The following ATP6V0A4 variants were observed in gnomAD, a reference collection of about 807,000 sequenced individuals.
ATP6V0A4 encodes ATPase H+ transporting V0 subunit a4.
A neutral mutation model predicts 107.3 loss-of-function variants in ATP6V0A4; 86 were observed. The ratio of observed to expected loss-of-function variants is 0.80; its 90% CI spans 0.67 to 0.96. The LOEUF is 0.96. ATP6V0A4 is among the 40% of genes least tolerant of loss of function. The pLI is 0.00. For synonymous variants in ATP6V0A4, 353 were observed against 381.4 expected (o/e 0.93, Z 0.87); for missense variants, 908 against 1,045.6 (o/e 0.87, Z 1.81).
chr7:138,722,199 A>G (rs1019643896), intron 18 of ATP6V0A4, 174 bp from the exon 19 acceptor site: 3 of 652,948 alleles, frequency 4.6e-6, no homozygotes, highest in Non-Finnish European at 5.7e-6. Flanking sequence ...CACAATTATC[A>G]CCCTATTTTC....
At chr7:138,784,269 T>TATAC (rs1808070237) in intron 2 of ATP6V0A4, among the ~76,000 whole-genome samples, 2 of 31,272 alleles carry the variant, frequency 6.4e-5, no homozygotes, top group Admixed American at 4.4e-4. Context: ...TATATATACA[T>TATAC]ATATATATAT....
At chr7:138,728,904 C>T in intron 17 of ATP6V0A4, 42 bp from the exon 18 acceptor site, 3 of 1,613,378 alleles carry the variant, frequency 1.9e-6, no homozygotes, top group African/African-American at 1.3e-5. Context: ...TTTCACATGG[C>T]AGAACAGCAC....
chr7:138,716,584 G>T (rs1239621613), intron 19 of ATP6V0A4, among the ~76,000 whole-genome samples: 1 of 147,942 alleles, frequency 6.8e-6, no homozygotes, highest in Admixed American at 6.7e-5. Flanking sequence ...TTGGGGGGGG[G>T]GGAGGGTCTT....
chr7:138,768,821 T>C lies in ATP6V0A4; in HGVS notation c.250A>G (p.Ser84Gly), dbSNP rs764857690. The change falls in exon 5 of 22, where the codon AGC (serine) becomes GGC (glycine). Residue 84 changes from serine (S) to glycine (G), a missense_variant. Ser to Gly is a moderately conservative substitution (Grantham distance 56). Coordinates refer to ENST00000310018, the MANE Select transcript of ATP6V0A4 (RefSeq NM_020632.3). ...NEIVVQLLEK[S>G]PLTPLPREMI... ...TCCCGTGGGAGCGGGGTCAGTGGGCTTTTCTCGAGCAACTGAACTACAATC... is the reference window on the plus strand; with the variant it reads ...TCCCGTGGGAGCGGGGTCAGTGGGCCTTTCTCGAGCAACTGAACTACAATC... 46 of 1,614,072 alleles carry C rather than the reference T, an allele frequency of 2.8e-5. No individual in the cohort carries two copies. Among genetic ancestry groups the C allele is most frequent in the Non-Finnish European group, 3.6e-5 (42 of 1,180,042 alleles).
Position 138,732,939 on chromosome 7 carries a change from A to G in ATP6V0A4, c.1846T>C (p.Phe616Leu). Reference protein sequence around the residue: ...SQHAPSILIHFINMFLFNYSD... With the variant: ...SQHAPSILIHLINMFLFNYSD... The stretch of plus-strand genomic sequence containing the variant: ...TAGTTAAACAGAAACATGTTGATGA[A>G]GTGGATGAGGATGCTGGGGGCGTGC... The change falls in exon 17 of 22, where the codon TTC becomes CTC. Residue 616 changes from phenylalanine (F) to leucine (L), a missense_variant. Physicochemically the swap from Phe to Leu is conservative, Grantham distance 22 (BLOSUM62 0). Transcript: ENST00000310018. The G allele has an allele frequency of 6.2e-7, 1 of 1,613,676 alleles. No homozygotes were observed. Among genetic ancestry groups the G allele is most frequent in the African/African-American group, 1.3e-5 (1 of 74,984 alleles).
At chr7:138,784,393 A>G (rs1808089294) in intron 2 of ATP6V0A4, among the ~76,000 whole-genome samples, 1 of 146,760 alleles carries the variant, frequency 6.8e-6, no homozygotes, top group African/African-American at 2.6e-5. Context: ...ATCTTGGCTC[A>G]CTGCAAGCTC....
chr7:138,768,133 C>T (rs540085344), intron 5 of ATP6V0A4, among the ~76,000 whole-genome samples: 5 of 152,224 alleles, frequency 3.3e-5, no homozygotes, highest in Admixed American at 2.6e-4. Flanking sequence ...AGGGTTTCAC[C>T]ATGTTGGCCA....
intron 5 of ATP6V0A4, among the ~76,000 whole-genome samples, chr7:138,768,153 C>T (rs1469623469): frequency 1.3e-5 from 2 of 152,088 alleles, no homozygotes; most frequent in Non-Finnish European, 2.9e-5. Flanking sequence ...AGGCTGGTCT[C>T]GAATTCCTGA....
intron 13 of ATP6V0A4, among the ~76,000 whole-genome samples, 182 bp downstream of exon 13, chr7:138,747,243 A>C (rs1377059368): frequency 6.6e-6 from 1 of 152,200 alleles, no homozygotes; most frequent in Non-Finnish European, 1.5e-5. Context: ...TGCTGAAAGG[A>C]ACGGCACCAA....
At chr7:138,749,459 C>CACATAAGGTCGTGAGT in intron 11 of ATP6V0A4, 142 bp from the exon 12 acceptor site, 2 of 865,680 alleles carry the variant, frequency 2.3e-6, no homozygotes, top group Non-Finnish European at 3.5e-6. Context: ...AGACTCACGA[C>CACATAAGGTCGTGAGT]CTTATGTGTA....
rs768804683 is a variant in ATP6V0A4 at position 138,755,739 on chromosome 7, G to A, written c.766C>T (p.Arg256Cys). 65 of 1,613,644 alleles carry A rather than the reference G, an allele frequency of 4.0e-5. 1 individual carries two copies. Among genetic ancestry groups the A allele is most frequent in the Non-Finnish European group, 4.8e-5 (57 of 1,180,040 alleles). ...TTGACGCTCTCCAACATCTCTCTGC[G>A]CTCCACCGCAGGCTCTGGGCAAGGG... ...VYPCPEPAVE[R>C]REMLESVNVR... Residue 256 changes from arginine (R) to cysteine (C), a missense_variant, in exon 10 of 22, where the codon CGC (arginine) becomes TGC (cysteine). Physicochemically the swap from Arg to Cys is radical, Grantham distance 180. Transcript: ENST00000310018.
At chr7:138,722,744 CAAAAAAA>C (rs71169049) in intron 18 of ATP6V0A4, among the ~76,000 whole-genome samples, 5,726 of 33,104 alleles carry the variant, frequency 0.17, 177 homozygotes, top group South Asian at 0.37. Context: ...GACTCCATCT[CAAAAAAA>C]AAAAAAAAAA....
chr7:138,768,772 G>A lies in ATP6V0A4; in HGVS notation c.291+8C>T. 1 of 1,614,094 alleles carries A rather than the reference G, an allele frequency of 6.2e-7. No homozygotes were observed. Among genetic ancestry groups the A allele is most frequent in the African/African-American group, 1.3e-5 (1 of 75,068 alleles). ...TACCTGGGGAGGCCAGCAAAGTGGAGAACTTACCTCCAGGGTAATCATTTC... is the reference window on the plus strand; with the variant it reads ...TACCTGGGGAGGCCAGCAAAGTGGAAAACTTACCTCCAGGGTAATCATTTC... On this transcript the variant is annotated splice_region_variant and intron_variant, in intron 5 of 21. Transcript: ENST00000310018.
At chr7:138,759,320 G>A (rs1200330033) in intron 8 of ATP6V0A4, among the ~76,000 whole-genome samples, 5 of 151,912 alleles carry the variant, frequency 3.3e-5, no homozygotes, top group East Asian at 1.9e-4. Context: ...CTCCCAAAGC[G>A]CTGAGATTAC....
chr7:138,711,079 C>T, intron 20 of ATP6V0A4, among the ~76,000 whole-genome samples: 1 of 152,082 alleles, frequency 6.6e-6, no homozygotes, highest in East Asian at 1.9e-4. Context: ...ACCACCGTCC[C>T]CCCACCCCCA....
In ATP6V0A4 at chr7:138,740,436, TTTTTTTG is replaced by T. The variant is rs1403850609; in HGVS notation, c.1479-810_1479-804del. Among the ~76,000 whole-genome samples, 159 of 151,314 alleles carry T rather than the reference TTTTTTTG, an allele frequency of 1.1e-3. 1 individual carries two copies. The highest frequency in any genetic ancestry group is 3.8e-3 in the African/African-American group (155 of 41,258). On this transcript the variant is annotated intron_variant, in intron 14 of 21. Transcript: ENST00000310018. ...TGGGAAGAAATTTCTTTTTTTTTTTTTTTTTTGGAGACTGCGTTTCATTCTTGTTGCC... is the reference window on the plus strand; with the variant it reads ...TGGGAAGAAATTTCTTTTTTTTTTTTGAGACTGCGTTTCATTCTTGTTGCC...
rs1474948199 is a variant in ATP6V0A4 at position 138,763,017 on chromosome 7, T to C, written c.300A>G (p.Leu100=). ...PREMITLETV[L]EKLEGELQEA... is the part of the protein sequence containing the mutation. ...CCTGTAACTCTCCTTCCAGTTTTTC[T>C]AGAACAGTCTATGCAGGAAGGAAAA... The change falls in exon 6 of 22, where the codon CTA becomes CTG. Residue 100 remains leucine (L), a synonymous_variant. Transcript: ENST00000310018. 5.6e-5 allele frequency: 91 copies of C among 1,613,896 alleles called. No homozygotes were observed. The highest frequency in any genetic ancestry group is 7.7e-5 in the Non-Finnish European group (91 of 1,180,016).
At chr7:138,787,974 T>A (rs1808244531) in intron 1 of ATP6V0A4, among the ~76,000 whole-genome samples, 1 of 151,980 alleles carries the variant, frequency 6.6e-6, no homozygotes, top group Admixed American at 6.6e-5. Context: ...CACTCCACCC[T>A]GGGCAATAGA....
intron 1 of ATP6V0A4, among the ~76,000 whole-genome samples, chr7:138,796,411 T>C (rs1215168825): frequency 6.6e-6 from 1 of 152,178 alleles, no homozygotes; most frequent in Admixed American, 6.5e-5. Context: ...CCCTGGGCTG[T>C]TACACTCCAC....
Sources: allele counts gnomAD v4.1 joint callset (sites outside exome capture counted in the v4.1 genomes callset), GRCh38; gene constraint gnomAD v4.1.1; transcripts MANE v1.5; gene names NCBI Gene and HGNC (gene_info 2026-07-23, HGNC 2026-07-21).